Variants in CHST12 observed in about 807,000 individuals in gnomAD.
CHST12 encodes the protein carbohydrate sulfotransferase 12.
In CHST12, 23 loss-of-function variants were observed where a neutral mutation model predicts 27.9. The ratio of observed to expected loss-of-function variants is 0.82; its 90% CI spans 0.59 to 1.17. The LOEUF (loss-of-function observed/expected upper bound fraction) is 1.17. Ranked by LOEUF, CHST12 falls within the 50% of genes most tolerant of loss-of-function variation. CHST12 has a pLI of 0.00. For synonymous variants in CHST12, 322 were observed against 273.0 expected (o/e 1.18, Z -1.77); for missense variants, 682 against 603.0 (o/e 1.13, Z -1.37).
At chr7:2,425,039 C>G (rs971431042) in intron 1 of CHST12, among the ~76,000 whole-genome samples, 3 of 152,136 alleles carry the variant, frequency 2.0e-5, no homozygotes, top group South Asian at 2.1e-4. Context: ...AACTCCATCT[C>G]TACTAAAAAT....
intron 1 of CHST12, among the ~76,000 whole-genome samples, chr7:2,414,079 C>T (rs1303548958): frequency 6.6e-6 from 1 of 152,046 alleles, no homozygotes; most frequent in African/African-American, 2.4e-5. Context: ...ATGATGAGCA[C>T]TTTCCTATGT....
At chr7:2,423,292 A>G (rs1782024045) in intron 1 of CHST12, among the ~76,000 whole-genome samples, 1 of 152,062 alleles carries the variant, frequency 6.6e-6, no homozygotes, top group South Asian at 2.1e-4. Context: ...AAAAAAAAGT[A>G]GAAAAATAGG....
At chr7:2,416,782 A>T (rs73673832) in intron 1 of CHST12, among the ~76,000 whole-genome samples, 1 of 152,242 alleles carries the variant, frequency 6.6e-6, no homozygotes, top group Non-Finnish European at 1.5e-5. Context: ...GGAGTAGGCA[A>T]TGAGGCCAGT....
Position 2,433,003 on chromosome 7 carries a change from G to T in CHST12, c.364G>T (p.Ala122Ser). The T allele has an allele frequency of 6.2e-7, 1 of 1,610,416 alleles. No individual in the cohort carries two copies. Among genetic ancestry groups the T allele is most frequent in the East Asian group, 2.2e-5 (1 of 44,832 alleles). The change falls in exon 2 of 2, where the codon GCG becomes TCG. Residue 122 changes from alanine to serine, a missense_variant. By Grantham distance (99) the Ala-to-Ser change is moderately conservative. Coordinates refer to ENST00000618655, the MANE Select transcript of CHST12 (RefSeq NM_018641.5). This position sits in a 1 kb window ranked among gnomAD's most constrained non-coding sequence, Gnocchi z 6.1. ...RRSPDQGRQQ[A>S]ERRSVLRGFC... Reference sequence around the variant, plus strand: ...CAGCCCAGACCAGGGCCGGCAGCAGGCGGAGCGGAGGAGCGTGCTGCGGGG... The same window carrying T: ...CAGCCCAGACCAGGGCCGGCAGCAGTCGGAGCGGAGGAGCGTGCTGCGGGG...
rs1433804075 is a variant in CHST12 at position 2,443,428 on chromosome 7, A to G, written c.*9544A>G. The stretch of plus-strand genomic sequence containing the variant: ...AGTGAAACAGTTTCATCCCAAAAGC[A>G]TATACCTCTGCCCCATCCATGGAAA... On this transcript the variant is annotated 3_prime_UTR_variant, in exon 2 of 2. Transcript: ENST00000618655. The G allele has an allele frequency of 6.6e-6, 1 of 152,208 alleles. No individual in the cohort carries two copies. The highest frequency in any genetic ancestry group is 6.5e-5 in the Admixed American group (1 of 15,274). 9.4% of individuals were successfully genotyped at this position (152,208 alleles called of 1,614,324 possible). A position where few individuals can be genotyped will look rare whatever the true frequency, so the allele number is the denominator to read the frequency against.
chr7:2,425,214 AAAAAAC>A (rs1452122346), intron 1 of CHST12, among the ~76,000 whole-genome samples: 36 of 99,970 alleles, frequency 3.6e-4, no homozygotes, highest in African/African-American at 1.4e-3. Context: ...AAAAAAAAAA[AAAAAAC>A]AACAAACAAA....
At chr7:2,424,674 G>A (rs944891086) in intron 1 of CHST12, among the ~76,000 whole-genome samples, 1 of 152,178 alleles carries the variant, frequency 6.6e-6, no homozygotes, top group African/African-American at 2.4e-5. Flanking sequence ...CATTCACTGG[G>A]CTGACTGTGC....
Position 2,440,537 on chromosome 7 carries a change from G to C in CHST12, c.*6653G>C, listed in dbSNP as rs74876182. ...GGGATGATGGGAACTGGGCACCCCA[G>C]ATGAGGCTCGGTTGTGAGTAGGAGC... On this transcript the variant is annotated 3_prime_UTR_variant, in exon 2 of 2. Coordinates refer to ENST00000618655, the MANE Select transcript of CHST12 (RefSeq NM_018641.5). 6.6e-6 allele frequency: 1 copy of C among 152,450 alleles called. No homozygotes were observed. Among genetic ancestry groups the C allele is most frequent in the Non-Finnish European group, 1.5e-5 (1 of 68,226 alleles). 9.4% of individuals were successfully genotyped at this position (152,450 alleles called of 1,614,324 possible). A position where few individuals can be genotyped will look rare whatever the true frequency, so the allele number is the denominator to read the frequency against.
At chr7:2,420,143 T>G (rs1470958462) in intron 1 of CHST12, among the ~76,000 whole-genome samples, 8 of 151,666 alleles carry the variant, frequency 5.3e-5, no homozygotes, top group Non-Finnish European at 7.4e-5. Context: ...CCGGCTAATT[T>G]TTTGTATTTT....
chr7:2,440,815 T>C lies in CHST12; in HGVS notation c.*6931T>C, dbSNP rs959860815. ...AATCCTGTGTCATTCTGGATTTATC[T>C]TGGGGTCGGGAGTCAACGATACTTC... On this transcript the variant is annotated 3_prime_UTR_variant, in exon 2 of 2. Transcript: ENST00000618655. The C allele has an allele frequency of 5.3e-5, 8 of 152,204 alleles. No individual in the cohort carries two copies. The highest frequency in any genetic ancestry group is 1.9e-4 in the African/African-American group (8 of 41,452). 9.4% of individuals were successfully genotyped at this position (152,204 alleles called of 1,614,324 possible).
At chr7:2,419,968 C>CTTTTTTTTTTTTT (rs869252983) in intron 1 of CHST12, among the ~76,000 whole-genome samples, 1 of 81,386 alleles carries the variant, frequency 1.2e-5, no homozygotes, top group Non-Finnish European at 2.2e-5. Flanking sequence ...AAATATTTGT[C>CTTTTTTTTTTTTT]TTTTTTTTTT....
intron 1 of CHST12, among the ~76,000 whole-genome samples, chr7:2,414,067 T>C (rs901691262): frequency 5.9e-5 from 9 of 152,070 alleles, no homozygotes; most frequent in Non-Finnish European, 1.2e-4. Flanking sequence ...TGATGACTAA[T>C]GATGATGAGC....
In CHST12 at chr7:2,432,864, T is replaced by C; in HGVS notation, c.225T>C (p.Ser75=). 1 of 1,613,754 alleles carries C rather than the reference T, an allele frequency of 6.2e-7. No homozygotes were observed. Among genetic ancestry groups the C allele is most frequent in the Non-Finnish European group, 8.5e-7 (1 of 1,179,878 alleles). The change falls in exon 2 of 2, where the codon AGT becomes AGC. Residue 75 remains serine (S), a synonymous_variant. Coordinates refer to ENST00000618655, the MANE Select transcript of CHST12 (RefSeq NM_018641.5). The part of the protein sequence containing the change: ...DVDEFLDKFL[S]AGVKQSDLPR... Reference sequence around the variant, plus strand: ...ACGAGTTTCTGGACAAGTTTCTCAGTGCTGGCGTGAAGCAGAGCGACCTTC... The same window carrying C: ...ACGAGTTTCTGGACAAGTTTCTCAGCGCTGGCGTGAAGCAGAGCGACCTTC...
At chr7:2,424,907 G>T (rs1270477136) in intron 1 of CHST12, among the ~76,000 whole-genome samples, 1 of 152,098 alleles carries the variant, frequency 6.6e-6, no homozygotes, top group Non-Finnish European at 1.5e-5. Context: ...AGGAGGAGGA[G>T]GCAAGACCCC....
chr7:2,404,440 G>A (rs17132379), intron 1 of CHST12, among the ~76,000 whole-genome samples: 1 of 152,230 alleles, frequency 6.6e-6, no homozygotes, highest in Non-Finnish European at 1.5e-5. Context: ...GTTCATAAGC[G>A]GGGCTGTGGG....
Position 2,429,874 on chromosome 7 carries a change from C to T in CHST12, c.-77-2689C>T, listed in dbSNP as rs191646710. ...CTCGGCTTACTGCAGCCTTGACCTCCTGGGCTCAAGCGATCCTCCTGCCTC... is the reference window on the plus strand; with the variant it reads ...CTCGGCTTACTGCAGCCTTGACCTCTTGGGCTCAAGCGATCCTCCTGCCTC... On this transcript the variant is annotated intron_variant, in intron 1 of 1. Coordinates refer to ENST00000618655, the MANE Select transcript of CHST12 (RefSeq NM_018641.5). Among the ~76,000 whole-genome samples the T allele has an allele frequency of 4.1e-3, 624 of 152,048 alleles. 23 individuals are homozygous for T. Among genetic ancestry groups the T allele is most frequent in the Admixed American group, 0.037 (566 of 15,276 alleles).
chr7:2,427,798 G>C (rs1278323059), intron 1 of CHST12, among the ~76,000 whole-genome samples: 4 of 151,992 alleles, frequency 2.6e-5, no homozygotes, highest in African/African-American at 9.7e-5. Flanking sequence ...TACCCTACTT[G>C]GTCATGCCGT....
At position 2,439,332 on chromosome 7, in the gene CHST12, T is replaced by C. The variant is rs1782546263; in HGVS notation, c.*5448T>C. The C allele has an allele frequency of 6.6e-6, 1 of 152,106 alleles. No individual in the cohort carries two copies. The highest frequency in any genetic ancestry group is 1.5e-5 in the Non-Finnish European group (1 of 68,026). The allele number at this position is 152,106 out of a possible 1,614,324, so 9.4% of individuals were successfully genotyped here. A position where few individuals can be genotyped will look rare whatever the true frequency, so the allele number is the denominator to read the frequency against. On this transcript the variant is annotated 3_prime_UTR_variant, in exon 2 of 2. Coordinates refer to ENST00000618655, the MANE Select transcript of CHST12 (RefSeq NM_018641.5). ...TACTCTGCCAGGACCCAGGGATAGG[T>C]GAGGCTCTCCTATTGGGATACCATT...
At chr7:2,408,022 G>A (rs1319436586) in intron 1 of CHST12, among the ~76,000 whole-genome samples, 1 of 152,130 alleles carries the variant, frequency 6.6e-6, no homozygotes, top group Non-Finnish European at 1.5e-5. Flanking sequence ...GCTTGGGAGG[G>A]GAAGGATTTA....
Sources: allele counts gnomAD v4.1 joint callset (sites outside exome capture counted in the v4.1 genomes callset), GRCh38; gene constraint gnomAD v4.1.1; non-coding constraint Gnocchi (gnomAD v3.1); transcripts MANE v1.5; gene names NCBI Gene and HGNC (gene_info 2026-07-23, HGNC 2026-07-21).